The following LRRC72 variants were observed in gnomAD, a reference collection of about 807,000 sequenced individuals.
The protein encoded by LRRC72 is leucine-rich repeat-containing protein 72.
A neutral mutation model predicts 35.8 loss-of-function variants in LRRC72; 41 were observed. The ratio of observed to expected loss-of-function variants is 1.15; its 90% CI spans 0.89 to 1.49. LRRC72 has a LOEUF of 1.49. Among genes scored for constraint, LRRC72 ranks in the 40% most tolerant of loss-of-function variants. The pLI is 0.00. For missense variants in LRRC72, 389 were observed against 330.7 expected (o/e 1.18, Z -1.37); for synonymous variants, 118 against 119.2 (o/e 0.99, Z 0.07).
chr7:16,532,517 TATGTGGCCA>T lies in LRRC72; in HGVS notation c.114_122del (p.Cys39_His41del), dbSNP rs1324598331. The T allele has an allele frequency of 1.9e-6, 3 of 1,550,126 alleles. No homozygotes were observed. The highest frequency in any genetic ancestry group is 2.6e-6 in the Non-Finnish European group (3 of 1,146,484). The stretch of plus-strand genomic sequence containing the variant: ...CAGGCAGTTGAAGATCAGCTAAAGA[TATGTGGCCA>T]CAGGAGGGATGCTGATGTCTTTGAG... On this transcript the variant is annotated inframe_deletion, in exon 2 of 9. Transcript: ENST00000401542.
chr7:16,530,035 T>C (rs77684162), intron 1 of LRRC72, among the ~76,000 whole-genome samples: 14,607 of 152,294 alleles, frequency 0.096, 789 homozygotes, highest in East Asian at 0.15. Context: ...ACACATATTA[T>C]ACTGCCAATT....
Position 16,559,748 on chromosome 7 carries a change from G to A in LRRC72, c.427+749G>A, listed in dbSNP as rs1782715074. ...AGAGTAAAGGGTGTGGGGTTATTTT[G>A]GGGGTGATAAAACATACTAAAATTG... On this transcript the variant is annotated intron_variant, in intron 5 of 8. Coordinates refer to ENST00000401542, the MANE Select transcript of LRRC72 (RefSeq NM_001195280.2). Among the ~76,000 whole-genome samples, 3 of 151,972 alleles carry A rather than the reference G, an allele frequency of 2.0e-5. No homozygotes were observed. In the South Asian group the frequency reaches 6.2e-4, roughly 32 times the overall value.
intron 4 of LRRC72, 70 bp from the exon 5 acceptor site, chr7:16,558,819 T>C (rs1296315356): frequency 1.4e-5 from 13 of 947,768 alleles, no homozygotes; most frequent in Non-Finnish European, 1.8e-5. Context: ...AATGTTTATT[T>C]TTATTTGCAA....
intron 8 of LRRC72, 64 bp from the exon 9 acceptor site, chr7:16,581,260 T>C: frequency 7.3e-7 from 1 of 1,362,070 alleles, no homozygotes; most frequent in Non-Finnish European, 9.7e-7. Context: ...AATAAAAATT[T>C]CATTTTGGTC....
intron 3 of LRRC72, among the ~76,000 whole-genome samples, chr7:16,544,290 C>T (rs1782407530): frequency 6.6e-6 from 1 of 152,128 alleles, no homozygotes; most frequent in African/African-American, 2.4e-5. Context: ...GATGAAAAAG[C>T]ACAAGTTTAT....
chr7:16,548,475 G>A (rs1034792672), intron 3 of LRRC72, among the ~76,000 whole-genome samples: 2 of 152,230 alleles, frequency 1.3e-5, no homozygotes, highest in Non-Finnish European at 2.9e-5. Flanking sequence ...CCTCCTTAGG[G>A]TTCTGTGGTT....
chr7:16,560,393 T>G lies in LRRC72; in HGVS notation c.427+1394T>G, dbSNP rs181588584. 9.2e-5 allele frequency among the ~76,000 whole-genome samples: 14 copies of G among 152,328 alleles called. No homozygotes were observed. The East Asian group carries it at 2.7e-3, about 29-fold the overall frequency. Reference sequence around the variant, plus strand: ...AAATGATTCATTTGTTATAGTTAGATTCTTTAAACCCAAGTATTAAAATCA... The same window carrying G: ...AAATGATTCATTTGTTATAGTTAGAGTCTTTAAACCCAAGTATTAAAATCA... On this transcript the variant is annotated intron_variant, in intron 5 of 8. Coordinates refer to ENST00000401542, the MANE Select transcript of LRRC72 (RefSeq NM_001195280.2).
At chr7:16,539,211 A>T (rs1385092832) in intron 3 of LRRC72, among the ~76,000 whole-genome samples, 1 of 152,216 alleles carries the variant, frequency 6.6e-6, no homozygotes, top group Non-Finnish European at 1.5e-5. Flanking sequence ...GTGATCTCAG[A>T]TGGAGATGAG....
At chr7:16,555,025 C>T (rs534566137) in intron 3 of LRRC72, among the ~76,000 whole-genome samples, 2 of 152,254 alleles carry the variant, frequency 1.3e-5, no homozygotes, top group East Asian at 3.9e-4. Flanking sequence ...CAGAAGGCAG[C>T]GAATTGCTGC....
rs376805038 is a variant in LRRC72, at chr7:16,579,065, C to T, written c.671-1009C>T. On this transcript the variant is annotated intron_variant, in intron 7 of 8. Coordinates refer to ENST00000401542, the MANE Select transcript of LRRC72 (RefSeq NM_001195280.2). The stretch of plus-strand genomic sequence containing the variant: ...CTTATATGATGTGACTATAGTTAGC[C>T]GTATTGTATACTTGAAGTTTACTAA... 3.9e-4 allele frequency among the ~76,000 whole-genome samples: 59 copies of T among 152,142 alleles called. No homozygotes were observed. In the East Asian group the frequency reaches 8.1e-3, roughly 21 times the overall value.
chr7:16,558,804 T>C, intron 4 of LRRC72, 85 bp from the exon 5 acceptor site: 1 of 747,900 alleles, frequency 1.3e-6, no homozygotes, highest in African/African-American at 1.8e-5. Flanking sequence ...TTAATTAGCA[T>C]TAAAAATGTT....
intron 1 of LRRC72, among the ~76,000 whole-genome samples, chr7:16,530,843 T>C (rs933527013): frequency 2.0e-5 from 3 of 152,180 alleles, no homozygotes; most frequent in African/African-American, 7.2e-5. Flanking sequence ...CCAAACACTA[T>C]GCAAAGATGT....
At chr7:16,529,144 A>C (rs1045937217) in intron 1 of LRRC72, among the ~76,000 whole-genome samples, 1 of 152,178 alleles carries the variant, frequency 6.6e-6, no homozygotes, top group African/African-American at 2.4e-5. Flanking sequence ...AAGTTGACAT[A>C]AATAATATGA....
rs1782869858 is a variant in LRRC72, at chr7:16,567,549, T to C, written c.670+6T>C. 1 of 1,266,014 alleles carries C rather than the reference T, an allele frequency of 7.9e-7. No individual in the cohort carries two copies. The highest frequency in any genetic ancestry group is 1.7e-5 in the African/African-American group (1 of 58,040). 78.4% of individuals were successfully genotyped at this position (1,266,014 alleles called of 1,614,324 possible). A position where few individuals can be genotyped will look rare whatever the true frequency, so the allele number is the denominator to read the frequency against. On this transcript the variant is annotated splice_donor_region_variant and intron_variant, in intron 7 of 8. Coordinates refer to ENST00000401542, the MANE Select transcript of LRRC72 (RefSeq NM_001195280.2). Reference sequence around the variant, plus strand: ...AGCCCAGAGAGTACCTTCAGGTATTTCGTAAAAAAAAAAAAAAAAACAAAT... The same window carrying C: ...AGCCCAGAGAGTACCTTCAGGTATTCCGTAAAAAAAAAAAAAAAAACAAAT...
At chr7:16,537,057 T>C (rs1300011323) in intron 2 of LRRC72, 1 of 152,232 alleles carries the variant, frequency 6.6e-6, no homozygotes, top group Non-Finnish European at 1.5e-5. Flanking sequence ...CAAGACCACT[T>C]GGATAGGTGG....
intron 1 of LRRC72, among the ~76,000 whole-genome samples, chr7:16,528,867 A>G (rs7811110): frequency 0.65 from 98,716 of 151,970 alleles, 32,729 homozygotes; most frequent in East Asian, 0.85. Context: ...GAGCACTAAC[A>G]GAGAAGGAGG....
intron 5 of LRRC72, among the ~76,000 whole-genome samples, chr7:16,559,965 G>T (rs1398968985): frequency 6.6e-6 from 1 of 151,478 alleles, no homozygotes; most frequent in Non-Finnish European, 1.5e-5. Flanking sequence ...ATCACACCCA[G>T]TAAGGAACTA....
intron 3 of LRRC72, among the ~76,000 whole-genome samples, chr7:16,543,394 A>G (rs1158711773): frequency 6.6e-6 from 1 of 152,240 alleles, no homozygotes; most frequent in East Asian, 1.9e-4. Flanking sequence ...ATAAGGCAAA[A>G]GGAGAAAAAT....
chr7:16,537,547 A>G, intron 2 of LRRC72, 80 bp from the exon 3 acceptor site: 1 of 729,332 alleles, frequency 1.4e-6, no homozygotes, highest in Non-Finnish European at 2.2e-6. Flanking sequence ...GTTACTACGA[A>G]GCCATACTAA....
Sources: allele counts gnomAD v4.1 joint callset (sites outside exome capture counted in the v4.1 genomes callset), GRCh38; gene constraint gnomAD v4.1.1; transcripts MANE v1.5; gene names NCBI Gene and HGNC (gene_info 2026-07-23, HGNC 2026-07-21).